Variants in NEGR1 observed in about 807,000 individuals in gnomAD.
NEGR1 encodes IgLON family member 4.
Under a neutral mutation model 40.9 loss-of-function variants are expected in NEGR1, and 10 were observed. The observed-to-expected ratio is 0.24, with a 90% confidence interval of 0.15 to 0.42. The LOEUF (loss-of-function observed/expected upper bound fraction) is 0.42, where lower values mean the gene tolerates loss of function less well. Among genes scored for constraint, NEGR1 ranks in the 10% least tolerant of loss-of-function variants. The probability of loss-of-function intolerance (pLI) is 1.00; values close to 1 mark genes in which losing one functional copy is unlikely to be tolerated. For synonymous variants in NEGR1, 185 were observed against 166.8 expected (o/e 1.11, Z -0.84); for missense variants, 352 against 438.9 (o/e 0.80, Z 1.77).
intron 2 of NEGR1, among the ~76,000 whole-genome samples, chr1:71,788,225 T>C (rs964552448): frequency 4.6e-5 from 7 of 151,944 alleles, no homozygotes; most frequent in African/African-American, 1.7e-4. Context: ...GATAGCAGAG[T>C]CCTATGGTTA....
chr1:71,749,360 A>C (rs2101685538), intron 3 of NEGR1, among the ~76,000 whole-genome samples: 1 of 152,288 alleles, frequency 6.6e-6, no homozygotes, highest in South Asian at 2.1e-4. Context: ...TTTTCACTTA[A>C]CTTACCTAAA....
At chr1:71,871,158 G>A (rs1194216158) in intron 2 of NEGR1, among the ~76,000 whole-genome samples, 1 of 152,168 alleles carries the variant, frequency 6.6e-6, no homozygotes, top group Non-Finnish European at 1.5e-5. Flanking sequence ...CAACGTTTCA[G>A]TGACTTGGGA....
intron 2 of NEGR1, among the ~76,000 whole-genome samples, chr1:71,856,133 C>T (rs774470988): frequency 3.9e-5 from 6 of 151,916 alleles, no homozygotes; most frequent in Middle Eastern, 3.4e-3. Context: ...AATATGGAGG[C>T]CAAAATAATG....
intron 6 of NEGR1, among the ~76,000 whole-genome samples, chr1:71,511,714 C>A (rs970498639): frequency 3.3e-5 from 5 of 152,242 alleles, no homozygotes; most frequent in Non-Finnish European, 4.4e-5. Context: ...GCAATATGTT[C>A]TTTTGTTAAT....
chr1:72,028,869 G>A (rs1646833751), intron 1 of NEGR1, among the ~76,000 whole-genome samples: 1 of 152,128 alleles, frequency 6.6e-6, no homozygotes, highest in South Asian at 2.1e-4. Context: ...GCTCTTCGAA[G>A]GTAAGAACCA....
intron 6 of NEGR1, among the ~76,000 whole-genome samples, chr1:71,454,036 C>T (rs950145336): frequency 3.9e-5 from 6 of 152,152 alleles, no homozygotes; most frequent in Admixed American, 2.6e-4. Context: ...TTCTCTTCAG[C>T]CATAATTCAT....
intron 6 of NEGR1, among the ~76,000 whole-genome samples, chr1:71,483,911 A>C (rs1646870318): frequency 6.6e-6 from 1 of 151,786 alleles, no homozygotes; most frequent in Admixed American, 6.6e-5. Context: ...ATTTTCACTG[A>C]GGATTTTTTT....
intron 3 of NEGR1, among the ~76,000 whole-genome samples, chr1:71,720,333 C>T (rs1279217090): frequency 6.6e-6 from 1 of 152,136 alleles, no homozygotes; most frequent in Non-Finnish European, 1.5e-5. Context: ...TCCTTTGAAG[C>T]CATAAGTGCC....
chr1:71,581,430 A>C (rs1649129476), intron 6 of NEGR1, among the ~76,000 whole-genome samples: 1 of 152,224 alleles, frequency 6.6e-6, no homozygotes, highest in Non-Finnish European at 1.5e-5. Context: ...CCGATTCAGC[A>C]AAAAAGTTGC....
intron 4 of NEGR1, among the ~76,000 whole-genome samples, chr1:71,612,802 G>GTAAGACACT (rs368640080): frequency 1.4e-4 from 21 of 152,306 alleles, no homozygotes; most frequent in African/African-American, 4.1e-4. Context: ...ACAGCTTGCA[G>GTAAGACACT]TAAGACACTG....
intron 2 of NEGR1, among the ~76,000 whole-genome samples, chr1:71,832,582 C>T (rs1159357499): frequency 6.6e-6 from 1 of 152,018 alleles, no homozygotes; most frequent in Non-Finnish European, 1.5e-5. Context: ...CATAACAAAA[C>T]ATCAAATAAC....
At chr1:71,943,562 A>G (rs543026575) in intron 1 of NEGR1, among the ~76,000 whole-genome samples, 1 of 152,226 alleles carries the variant, frequency 6.6e-6, no homozygotes, top group Non-Finnish European at 1.5e-5. Flanking sequence ...ATGCCAAACA[A>G]TTTTTACATG....
chr1:71,729,388 A>G (rs572548505), intron 3 of NEGR1, among the ~76,000 whole-genome samples: 2 of 152,292 alleles, frequency 1.3e-5, no homozygotes, highest in South Asian at 4.1e-4. Flanking sequence ...AATCTAGTCT[A>G]GCCACCTTAT....
intron 3 of NEGR1, among the ~76,000 whole-genome samples, chr1:71,740,255 T>C (rs560696060): frequency 1.3e-5 from 2 of 152,328 alleles, no homozygotes; most frequent in East Asian, 3.9e-4. Context: ...CGGCCTCTAA[T>C]GGAGAATACA....
rs1304707849 is a variant in NEGR1, at chr1:71,883,018, TAACTC to T, written c.409+52056_409+52060del. On this transcript the variant is annotated intron_variant, in intron 2 of 6. Transcript: ENST00000357731. ...TATTGCCACAATATTTACTTTTACT[TAACTC>T]AATTCAATATATGTAAATTTACAAA... Among the ~76,000 whole-genome samples, 8 of 152,116 alleles carry T rather than the reference TAACTC, an allele frequency of 5.3e-5. No homozygotes were observed. In the East Asian group the frequency reaches 5.8e-4, roughly 11 times the overall value.
At chr1:71,981,905 T>G (rs970650080) in intron 1 of NEGR1, among the ~76,000 whole-genome samples, 17 of 152,178 alleles carry the variant, frequency 1.1e-4, no homozygotes, top group Non-Finnish European at 2.1e-4. Flanking sequence ...ACATCTAGAT[T>G]AGAACCATTT....
At chr1:72,007,673 T>A (rs1050262768) in intron 1 of NEGR1, among the ~76,000 whole-genome samples, 3 of 152,144 alleles carry the variant, frequency 2.0e-5, no homozygotes, top group Non-Finnish European at 4.4e-5. Context: ...TTAAAAAAAA[T>A]CATTTACTAT....
intron 4 of NEGR1, among the ~76,000 whole-genome samples, chr1:71,642,819 A>G (rs964207840): frequency 2.0e-5 from 3 of 151,966 alleles, no homozygotes; most frequent in African/African-American, 7.2e-5. Context: ...TGTCCTATAA[A>G]AGTTAAATGT....
At chr1:71,545,998 A>G (rs1270945635) in intron 6 of NEGR1, among the ~76,000 whole-genome samples, 2 of 151,750 alleles carry the variant, frequency 1.3e-5, no homozygotes, top group South Asian at 4.1e-4. Flanking sequence ...TCAAATGGTT[A>G]TATCTGTGGA....
Sources: allele counts gnomAD v4.1 joint callset (sites outside exome capture counted in the v4.1 genomes callset), GRCh38; gene constraint gnomAD v4.1.1; transcripts MANE v1.5; gene names NCBI Gene and HGNC (gene_info 2026-07-23, HGNC 2026-07-21).